Variants in FHIP2A observed in about 807,000 individuals in gnomAD.
FHIP2A encodes the protein FHF complex subunit HOOK interacting protein 2A.
FHIP2A carries 46 observed loss-of-function variants against 93.5 expected under a neutral mutation model. That is an observed-to-expected ratio of 0.49 (90% CI 0.39 to 0.63). FHIP2A has a LOEUF of 0.63. FHIP2A is among the 20% of genes least tolerant of loss of function. The pLI, the probability that FHIP2A is intolerant of heterozygous loss-of-function variation, is 0.00. For missense variants in FHIP2A, 769 were observed against 909.7 expected (o/e 0.85, Z 1.99); for synonymous variants, 332 against 326.5 (o/e 1.02, Z -0.18).
intron 16 of FHIP2A, among the ~76,000 whole-genome samples, chr10:114,897,585 G>A (rs887491903): frequency 2.0e-5 from 3 of 151,964 alleles, no homozygotes; most frequent in Non-Finnish European, 4.4e-5. Context: ...ATTGTTGGAG[G>A]TTAACTTTAT....
downstream of FHIP2A, among the ~76,000 whole-genome samples, chr10:114,868,344 C>T (rs754568658): frequency 6.6e-6 from 1 of 152,094 alleles, no homozygotes; most frequent in Non-Finnish European, 1.5e-5. Context: ...TGTGAACTTG[C>T]ATGCGGGGAT....
intron 16 of FHIP2A, among the ~76,000 whole-genome samples, chr10:114,891,813 T>A: frequency 6.6e-6 from 1 of 151,936 alleles, no homozygotes; most frequent in South Asian, 2.1e-4. Flanking sequence ...ATGCGGTTTC[T>A]CCATGTTGTT....
intron 16 of FHIP2A, among the ~76,000 whole-genome samples, chr10:114,891,191 C>T (rs969782858): frequency 2.1e-4 from 31 of 146,446 alleles, no homozygotes; most frequent in Non-Finnish European, 3.3e-4. Flanking sequence ...GAGACCCTGT[C>T]TAAACAACCA....
At chr10:114,892,869 G>A (rs2083982649) in intron 16 of FHIP2A, among the ~76,000 whole-genome samples, 1 of 152,126 alleles carries the variant, frequency 6.6e-6, no homozygotes, top group African/African-American at 2.4e-5. Flanking sequence ...AAACTGGAAA[G>A]GAGGACTACC....
At chr10:114,836,942 C>T (rs1001841783) in intron 5 of FHIP2A, among the ~76,000 whole-genome samples, 2 of 152,040 alleles carry the variant, frequency 1.3e-5, no homozygotes, top group African/African-American at 4.8e-5. Flanking sequence ...TGCTTTGTAG[C>T]CCAGGCTGGA....
In FHIP2A at chr10:114,864,379, A is replaced by G; in HGVS notation, c.*2839A>G. 1.0e-6 allele frequency: 1 copy of G among 985,744 alleles called. No individual in the cohort carries two copies. The highest frequency in any genetic ancestry group is 4.7e-5 in the South Asian group (1 of 21,290). The allele number at this position is 985,744 out of a possible 1,614,324, so 61.1% of individuals were successfully genotyped here. ...GGGTTATGTAGTAAATCAAATATGC[A>G]TGTCATTGTGACACTTTATGTGTTA... is the stretch of plus-strand genomic sequence containing the variant. On this transcript the variant is annotated 3_prime_UTR_variant, in exon 17 of 17. Coordinates refer to ENST00000369248, the MANE Select transcript of FHIP2A (RefSeq NM_020940.4).
At chr10:114,871,136 T>C (rs1230758451) in intron 16 of FHIP2A, among the ~76,000 whole-genome samples, 3 of 149,274 alleles carry the variant, frequency 2.0e-5, no homozygotes, top group African/African-American at 7.3e-5. Context: ...ATTATATATA[T>C]ATACACACAT....
chr10:114,897,637 G>A (rs76583418), intron 16 of FHIP2A, among the ~76,000 whole-genome samples: 5,720 of 152,160 alleles, frequency 0.038, 377 homozygotes, highest in African/African-American at 0.13. Context: ...GGGGCCCAGC[G>A]CATTGGCACA....
downstream of FHIP2A, among the ~76,000 whole-genome samples, chr10:114,869,517 G>A (rs527954104): frequency 1.3e-5 from 2 of 152,070 alleles, no homozygotes; most frequent in Admixed American, 1.3e-4. Context: ...GTTGGTGTTG[G>A]GCTCCCACAG....
rs180684921 is a variant in FHIP2A, at chr10:114,833,967, C to T, written c.294+565C>T. 5.1e-3 allele frequency among the ~76,000 whole-genome samples: 784 copies of T among 152,292 alleles called. 30 individuals carry two copies. Among genetic ancestry groups the T allele is most frequent in the Admixed American group, 0.048 (729 of 15,298 alleles). ...AGAGCCTTGGGTTCAGATTAGGGGG[C>T]CAGGCTTCCAGTCCTGACATCATTA... On this transcript the variant is annotated intron_variant, in intron 3 of 16. Transcript: ENST00000369248.
chr10:114,850,144 C>T (rs1490962953), intron 13 of FHIP2A, among the ~76,000 whole-genome samples: 3 of 152,108 alleles, frequency 2.0e-5, no homozygotes, highest in African/African-American at 7.2e-5. Context: ...TGATGGGTCA[C>T]GTGGTAATTC....
chr10:114,891,219 A>AATACATATATATATATAT (rs2083971596), intron 16 of FHIP2A, among the ~76,000 whole-genome samples: 1 of 138,466 alleles, frequency 7.2e-6, no homozygotes, highest in South Asian at 2.4e-4. Context: ...AACAACAACA[A>AATACATATATATATATAT]ATATATATAT....
chr10:114,864,261 C>T lies in FHIP2A; in HGVS notation c.*2721C>T. The T allele has an allele frequency of 1.0e-6, 1 of 981,850 alleles. No individual in the cohort carries two copies. The highest frequency in any genetic ancestry group is 4.7e-5 in the South Asian group (1 of 21,198). 60.8% of individuals were successfully genotyped at this position (981,850 alleles called of 1,614,324 possible). Reference sequence around the variant, plus strand: ...ATGTTTTCATAAATTATTGCATTAACATACAATTGCCATTTAATTATGAAG... The same window carrying T: ...ATGTTTTCATAAATTATTGCATTAATATACAATTGCCATTTAATTATGAAG... On this transcript the variant is annotated 3_prime_UTR_variant, in exon 17 of 17. Transcript: ENST00000369248.
intron 1 of FHIP2A, among the ~76,000 whole-genome samples, chr10:114,826,903 A>C (rs1055741661): frequency 6.6e-6 from 1 of 152,210 alleles, no homozygotes; most frequent in Non-Finnish European, 1.5e-5. Context: ...CTGAGACAGG[A>C]GAATCGCTTG....
At chr10:114,857,925 T>C (rs2083776612) in intron 14 of FHIP2A, among the ~76,000 whole-genome samples, 1 of 152,212 alleles carries the variant, frequency 6.6e-6, no homozygotes, top group Non-Finnish European at 1.5e-5. Flanking sequence ...CTGGGAACAT[T>C]GTAAGGAGGC....
chr10:114,855,316 C>G lies in FHIP2A; in HGVS notation c.1923C>G (p.Asp641Glu). Residue 641 changes from aspartate (D) to glutamate (E), a missense_variant, in exon 14 of 17, where the codon GAC becomes GAG. By Grantham distance (45) the Asp-to-Glu change is conservative. Transcript: ENST00000369248. The part of the protein sequence containing the change: ...FEGHFLKVLF[D>E]RMGRILDQPY... ...GTCATTTTTTGAAAGTGCTGTTCGACAGAATGGGAAGAATTCTTGATCAGG... is the reference window on the plus strand; with the variant it reads ...GTCATTTTTTGAAAGTGCTGTTCGAGAGAATGGGAAGAATTCTTGATCAGG... 1 of 1,613,810 alleles carries G rather than the reference C, an allele frequency of 6.2e-7. No homozygotes were observed. The highest frequency in any genetic ancestry group is 8.5e-7 in the Non-Finnish European group (1 of 1,179,778).
At chr10:114,851,171 C>T (rs763831987) in intron 13 of FHIP2A, among the ~76,000 whole-genome samples, 77 of 152,180 alleles carry the variant, frequency 5.1e-4, no homozygotes, top group Non-Finnish European at 7.9e-4. Context: ...ACCTTGGCCT[C>T]TCAAAGTGCT....
At chr10:114,839,881 C>CAAAAAAAAAAAAAAAAAAA (rs10612399) in intron 5 of FHIP2A, among the ~76,000 whole-genome samples, 1 of 95,584 alleles carries the variant, frequency 1.0e-5, no homozygotes. Context: ...GACTCTGTCT[C>CAAAAAAAAAAAAAAAAAAA]AAAAAAAAAA....
intron 16 of FHIP2A, among the ~76,000 whole-genome samples, chr10:114,883,171 G>C (rs144660646): frequency 4.6e-5 from 7 of 152,228 alleles, no homozygotes; most frequent in Admixed American, 2.6e-4. Flanking sequence ...GACATTACAG[G>C]GTTAGTTTTT....
Sources: gnomAD v4.1 joint callset for allele counts (sites outside exome capture counted in the v4.1 genomes callset) on GRCh38, gnomAD v4.1.1 for gene constraint, MANE v1.5 for transcripts, NCBI Gene and HGNC (gene_info 2026-07-23, HGNC 2026-07-21) for gene names.